HHIPL1: variants seen among roughly 807,000 people sequenced by gnomAD.
HHIPL1 encodes HHIP like 1, also known as HHIP-like protein 1.
HHIPL1 carries 43 observed loss-of-function variants against 61.8 expected under a neutral mutation model. The ratio of observed to expected loss-of-function variants is 0.70; its 90% CI spans 0.55 to 0.90. The LOEUF is 0.90. HHIPL1 is among the 40% of genes least tolerant of loss of function. HHIPL1 has a pLI of 0.00. For synonymous variants in HHIPL1, 482 were observed against 515.8 expected (o/e 0.93, Z 0.89); for missense variants, 1,056 against 1,157.7 (o/e 0.91, Z 1.28).
the HHIPL1 span, among the ~76,000 whole-genome samples, chr14:99,629,991 G>C: frequency 6.6e-6 from 1 of 152,182 alleles, no homozygotes; most frequent in Non-Finnish European, 1.5e-5. Flanking sequence ...CCAGTGATGG[G>C]GTGCTCATCC....
rs140546525 is a variant in HHIPL1, at chr14:99,660,334, G to C, written c.1430G>C (p.Gly477Ala). ...YPHTVGKSVTGGYVYRGCEYP... is the reference protein window; with the variant it reads ...YPHTVGKSVTAGYVYRGCEYP... ...CACACGGTTGGCAAGTCGGTCACAG[G>C]GGGCTACGTGTACCGGGGCTGCGAG... Residue 477 changes from glycine to alanine, a missense_variant, in exon 5 of 9, where the codon GGG (glycine) becomes GCG (alanine). By Grantham distance (60) the Gly-to-Ala change is moderately conservative (BLOSUM62 0). Coordinates refer to ENST00000330710, the MANE Select transcript of HHIPL1 (RefSeq NM_001127258.3). This position sits in a 1 kb window ranked among gnomAD's most constrained non-coding sequence, Gnocchi z 4.9. 4.3e-6 allele frequency: 7 copies of C among 1,614,088 alleles called. No homozygotes were observed. Among genetic ancestry groups the C allele is most frequent in the South Asian group, 2.2e-5 (2 of 91,076 alleles).
In HHIPL1 at chr14:99,675,335, G is replaced by A; in HGVS notation, c.2058G>A (p.Gly686=). The A allele has an allele frequency of 1.4e-6, 2 of 1,433,518 alleles. No individual in the cohort carries two copies. The highest frequency in any genetic ancestry group is 1.8e-6 in the Non-Finnish European group (2 of 1,093,382). The allele number at this position is 1,433,518 out of a possible 1,614,324, so 88.8% of individuals were successfully genotyped here. A position where few individuals can be genotyped will look rare whatever the true frequency, so the allele number is the denominator to read the frequency against. ...VRPAGLSSGS[G]RVEVFVGGRW... The stretch of plus-strand genomic sequence containing the variant: ...CCGCGGGCCTGAGCTCTGGCAGCGG[G>A]CGCGTGGAGGTGTTCGTGGGCGGAC... Residue 686 remains glycine (G), a synonymous_variant, in exon 9 of 9, where the codon GGG becomes GGA. Coordinates refer to ENST00000330710, the MANE Select transcript of HHIPL1 (RefSeq NM_001127258.3). The surrounding 1 kb of genome is among the most constrained non-coding windows in gnomAD (Gnocchi z 5.4).
the HHIPL1 span, among the ~76,000 whole-genome samples, chr14:99,637,950 G>A: frequency 0.017 from 2,646 of 152,240 alleles, 77 homozygotes; most frequent in African/African-American, 0.059. Flanking sequence ...AACCCACATC[G>A]CCTCTCACAC....
At chr14:99,680,569 ATTTTAATAATATATT>A (rs1365696370), downstream of HHIPL1, 1 of 127,056 alleles carries the variant, frequency 7.9e-6, no homozygotes, top group Non-Finnish European at 1.8e-5. Context: ...GGTAAAATTA[ATTTTAATAATATATT>A]TTATTTAACC....
chr14:99,675,972 C>T lies in HHIPL1; in HGVS notation c.*346C>T, dbSNP rs2056387875. ...CCAGGCTTCGAGGACGGACATGGCC[C>T]CTGGCTGTGCTAACAGAGGCACAGC... On this transcript the variant is annotated 3_prime_UTR_variant, in exon 9 of 9. Coordinates refer to ENST00000330710, the MANE Select transcript of HHIPL1 (RefSeq NM_001127258.3). This position sits in a 1 kb window ranked among gnomAD's most constrained non-coding sequence, Gnocchi z 5.4. 2 of 276,194 alleles carry T rather than the reference C, an allele frequency of 7.2e-6. No individual in the cohort carries two copies. Among genetic ancestry groups the T allele is most frequent in the African/African-American group, 4.4e-5 (2 of 45,460 alleles). The allele number at this position is 276,194 out of a possible 1,614,324, so 17.1% of individuals were successfully genotyped here.
the HHIPL1 span, among the ~76,000 whole-genome samples, chr14:99,631,106 T>TTCTTTC: frequency 7.5e-4 from 91 of 121,522 alleles, no homozygotes; most frequent in African/African-American, 2.5e-3. Context: ...CTTTCTTTCT[T>TTCTTTC]TCTCTCTCTT....
chr14:99,675,680 C>A lies in HHIPL1; in HGVS notation c.*54C>A. 7.0e-7 allele frequency: 1 copy of A among 1,438,330 alleles called. No homozygotes were observed. The highest frequency in any genetic ancestry group is 1.4e-5 in the South Asian group (1 of 70,254). 89.1% of individuals were successfully genotyped at this position (1,438,330 alleles called of 1,614,324 possible). A position where few individuals can be genotyped will look rare whatever the true frequency, so the allele number is the denominator to read the frequency against. ...GCCGGCGGGGGAGCCTGGCAGGGGC[C>A]GCTCCGCCCTGTGTGCGCCCAGCGG... On this transcript the variant is annotated 3_prime_UTR_variant, in exon 9 of 9. Transcript: ENST00000330710. This position sits in a 1 kb window ranked among gnomAD's most constrained non-coding sequence, Gnocchi z 5.4.
chr14:99,661,387 G>GA (rs1347767876), intron 5 of HHIPL1, among the ~76,000 whole-genome samples: 1 of 146,860 alleles, frequency 6.8e-6, no homozygotes, highest in Admixed American at 7.0e-5. Context: ...TGGAAAGAAA[G>GA]AAAGAGAGAG....
chr14:99,675,366 G>C lies in HHIPL1; in HGVS notation c.2089G>C (p.Gly697Arg). ...GGAGGTGTTCGTGGGCGGACGCTGG[G>C]GCACCGTGTGCGACGACTCCTGGAA... ...RVEVFVGGRWGTVCDDSWNIS... is the reference protein window; with the variant it reads ...RVEVFVGGRWRTVCDDSWNIS... Residue 697 changes from glycine (G) to arginine (R), a missense_variant, in exon 9 of 9, where the codon GGC becomes CGC. Coordinates refer to ENST00000330710, the MANE Select transcript of HHIPL1 (RefSeq NM_001127258.3). This position sits in a 1 kb window ranked among gnomAD's most constrained non-coding sequence, Gnocchi z 5.4. 1 of 1,506,948 alleles carries C rather than the reference G, an allele frequency of 6.6e-7. No homozygotes were observed. 93.3% of individuals were successfully genotyped at this position (1,506,948 alleles called of 1,614,324 possible). A position where few individuals can be genotyped will look rare whatever the true frequency, so the allele number is the denominator to read the frequency against.
chr14:99,628,229 G>A, the HHIPL1 span, among the ~76,000 whole-genome samples: 7 of 152,358 alleles, frequency 4.6e-5, no homozygotes, highest in East Asian at 1.3e-3. Flanking sequence ...GGATGGGGCA[G>A]GTGTGCTGTG....
the HHIPL1 span, among the ~76,000 whole-genome samples, chr14:99,623,324 C>T: frequency 6.6e-6 from 1 of 152,222 alleles, no homozygotes; most frequent in Non-Finnish European, 1.5e-5. Context: ...CCACGGAAAT[C>T]ACTCTCCATT....
the HHIPL1 span, among the ~76,000 whole-genome samples, chr14:99,633,295 C>T: frequency 6.6e-6 from 1 of 152,240 alleles, no homozygotes; most frequent in African/African-American, 2.4e-5. Context: ...ACACCTTTGC[C>T]TTTCTGCCTT....
the HHIPL1 span, among the ~76,000 whole-genome samples, chr14:99,633,609 C>T: frequency 6.6e-6 from 1 of 152,222 alleles, no homozygotes; most frequent in Non-Finnish European, 1.5e-5. Flanking sequence ...AGGGGAGCCA[C>T]AGGCTTAGAT....
chr14:99,621,480 A>G, the HHIPL1 span, among the ~76,000 whole-genome samples: 1 of 152,040 alleles, frequency 6.6e-6, no homozygotes. Flanking sequence ...TGTGGGTTAC[A>G]CCAACCCCAG....
chr14:99,661,201 A>C (rs996259377), intron 5 of HHIPL1, among the ~76,000 whole-genome samples: 5 of 152,084 alleles, frequency 3.3e-5, no homozygotes, highest in Admixed American at 6.6e-5. Context: ...GCAGGCTGAG[A>C]CGGCTTGGTC....
chr14:99,655,734 G>A (rs2056017668), intron 2 of HHIPL1, among the ~76,000 whole-genome samples: 1 of 152,220 alleles, frequency 6.6e-6, no homozygotes, highest in Non-Finnish European at 1.5e-5. Flanking sequence ...GATGACTAAG[G>A]CATTGGGAGG....
At chr14:99,666,895 T>C (rs960806706) in intron 6 of HHIPL1, among the ~76,000 whole-genome samples, 1 of 152,152 alleles carries the variant, frequency 6.6e-6, no homozygotes, top group Non-Finnish European at 1.5e-5. Flanking sequence ...CCCAGCCCCA[T>C]CACAGCTGGG....
At chr14:99,646,175 G>T (rs1247742230) in intron 1 of HHIPL1, among the ~76,000 whole-genome samples, 1 of 152,286 alleles carries the variant, frequency 6.6e-6, no homozygotes, top group Non-Finnish European at 1.5e-5. Context: ...ACCGCTATTT[G>T]TTTTCCTCTT....
chr14:99,639,726 A>G, the HHIPL1 span, among the ~76,000 whole-genome samples: 27,652 of 150,758 alleles, frequency 0.18, 3,187 homozygotes, highest in Non-Finnish European at 0.26. Flanking sequence ...CAGTGGTGTG[A>G]TCTCGGCTCA....
Sources: allele counts gnomAD v4.1 joint callset (sites outside exome capture counted in the v4.1 genomes callset), GRCh38; gene constraint gnomAD v4.1.1; non-coding constraint Gnocchi (gnomAD v3.1); transcripts MANE v1.5; gene names NCBI Gene and HGNC (gene_info 2026-07-23, HGNC 2026-07-21).